Variants in PLD1 observed in about 807,000 individuals in gnomAD.
The protein encoded by PLD1 is phospholipase D1.
In PLD1, 112 loss-of-function variants were observed where a neutral mutation model predicts 137.1. The ratio of observed to expected loss-of-function variants is 0.82; its 90% confidence interval spans 0.70 to 0.96. The LOEUF is 0.96. Ranked by LOEUF, PLD1 falls within the 40% of genes least tolerant of loss-of-function variation. The pLI, the probability that PLD1 is intolerant of heterozygous loss-of-function variation, is 0.00. For synonymous variants in PLD1, 431 were observed against 454.7 expected (o/e 0.95, Z 0.66); for missense variants, 1,321 against 1,342.0 (o/e 0.98, Z 0.24).
At chr3:171,700,315 AAC>A (rs573424146) in intron 11 of PLD1, among the ~76,000 whole-genome samples, 14 of 126,798 alleles carry the variant, frequency 1.1e-4, no homozygotes, top group East Asian at 4.8e-4. Context: ...CACACACACA[AAC>A]ACACACACAC....
At chr3:171,802,632 CA>C (rs1723692994) in intron 1 of PLD1, among the ~76,000 whole-genome samples, 2 of 152,142 alleles carry the variant, frequency 1.3e-5, no homozygotes, top group Admixed American at 1.3e-4. Context: ...ACAAGTTGAT[CA>C]AGGTTACACA....
At chr3:171,628,782 G>A (rs562851522) in intron 23 of PLD1, among the ~76,000 whole-genome samples, 41 of 152,274 alleles carry the variant, frequency 2.7e-4, no homozygotes, top group Admixed American at 2.2e-3. Context: ...CTCAATAGAT[G>A]CAGAAAAGGC....
chr3:171,614,761 T>C (rs900482775), intron 24 of PLD1, among the ~76,000 whole-genome samples: 2 of 152,236 alleles, frequency 1.3e-5, no homozygotes, highest in African/African-American at 4.8e-5. Context: ...TGGATTGAAC[T>C]GACATCACTG....
At chr3:171,700,399 C>A (rs1716147456) in intron 11 of PLD1, among the ~76,000 whole-genome samples, 1 of 152,046 alleles carries the variant, frequency 6.6e-6, no homozygotes, top group African/African-American at 2.4e-5. Context: ...TTTGCTCTCT[C>A]TCCCTCTCTC....
intron 19 of PLD1, 147 bp downstream of exon 19, chr3:171,674,353 A>C: frequency 2.2e-6 from 1 of 454,850 alleles, no homozygotes; most frequent in Non-Finnish European, 4.0e-6. Context: ...TAGGAAATAT[A>C]ATAACAAGTA....
In PLD1 at chr3:171,642,839, C is replaced by A; in HGVS notation, c.2593+1G>T. On this transcript the variant is annotated splice_donor_variant, in intron 23 of 26. Transcript: ENST00000351298. LOFTEE classifies it high-confidence loss of function. ...ATATGAGAAAAAAAGCAGTTACTTA[C>A]GCTCTGCTTTTAACTGTCCAAGGAT... 6.4e-7 allele frequency: 1 copy of A among 1,553,478 alleles called. No homozygotes were observed. The highest frequency in any genetic ancestry group is 8.8e-7 in the Non-Finnish European group (1 of 1,135,454).
At chr3:171,629,014 C>T (rs1237198830) in intron 23 of PLD1, among the ~76,000 whole-genome samples, 1 of 146,534 alleles carries the variant, frequency 6.8e-6, no homozygotes, top group African/African-American at 2.5e-5. Context: ...CTGGCCAGGG[C>T]AATTAGGCAG....
intron 1 of PLD1, among the ~76,000 whole-genome samples, chr3:171,785,949 T>C (rs1722997854): frequency 6.6e-6 from 1 of 152,198 alleles, no homozygotes; most frequent in Non-Finnish European, 1.5e-5. Flanking sequence ...AAAACCAAAG[T>C]GTTAAAGCAC....
chr3:171,683,465 C>A (rs2108500024), intron 16 of PLD1, among the ~76,000 whole-genome samples: 1 of 152,254 alleles, frequency 6.6e-6, no homozygotes, highest in Middle Eastern at 3.4e-3. Flanking sequence ...CAGCCGTATT[C>A]CTGGAACACA....
chr3:171,738,248 A>G (rs567927817), intron 1 of PLD1, among the ~76,000 whole-genome samples, 166 bp from the exon 2 acceptor site: 2 of 152,218 alleles, frequency 1.3e-5, no homozygotes, highest in South Asian at 4.1e-4. Flanking sequence ...CCTGTTTAAC[A>G]TTTAAAGGAT....
intron 18 of PLD1, among the ~76,000 whole-genome samples, chr3:171,674,848 G>A (rs1039210974): frequency 1.8e-4 from 28 of 151,602 alleles, no homozygotes; most frequent in Middle Eastern, 3.4e-3. Flanking sequence ...GCATGGTGGC[G>A]GGCGCCTGTA....
chr3:171,677,903 C>G (rs1713555433), intron 16 of PLD1: 6 of 424,892 alleles, frequency 1.4e-5, no homozygotes, highest in Non-Finnish European at 2.5e-5. Context: ...AGGGCTACAA[C>G]AAGATTCATC....
At chr3:171,611,013 A>G (rs2108267135) in intron 25 of PLD1, among the ~76,000 whole-genome samples, 1 of 152,320 alleles carries the variant, frequency 6.6e-6, no homozygotes, top group South Asian at 2.1e-4. Context: ...CCGGGAGTTA[A>G]GTGCTCACTA....
At chr3:171,732,170 C>T (rs571927737) in intron 6 of PLD1, among the ~76,000 whole-genome samples, 7 of 152,290 alleles carry the variant, frequency 4.6e-5, no homozygotes, top group African/African-American at 1.7e-4. Context: ...TCAGACAACA[C>T]AACAGGAGGT....
intron 1 of PLD1, among the ~76,000 whole-genome samples, chr3:171,775,509 G>A (rs188965446): frequency 2.6e-5 from 4 of 152,198 alleles, no homozygotes; most frequent in Admixed American, 1.3e-4. Flanking sequence ...ATGTCAAAGA[G>A]GTCCCCATGG....
At chr3:171,745,880 A>G (rs550546498) in intron 1 of PLD1, among the ~76,000 whole-genome samples, 1 of 151,422 alleles carries the variant, frequency 6.6e-6, no homozygotes, top group Admixed American at 6.6e-5. Context: ...GCTTGCAGGG[A>G]GGTGTGGAGG....
intron 12 of PLD1, among the ~76,000 whole-genome samples, chr3:171,697,084 G>T (rs1715769495): frequency 6.6e-6 from 1 of 152,090 alleles, no homozygotes; most frequent in African/African-American, 2.4e-5. Flanking sequence ...AGGCCTGCAG[G>T]ATCTTCCTCC....
intron 1 of PLD1, among the ~76,000 whole-genome samples, chr3:171,805,049 A>T (rs1723792772): frequency 6.6e-6 from 1 of 152,158 alleles, no homozygotes; most frequent in South Asian, 2.1e-4. Context: ...TTAAATTCTG[A>T]ACCCTTATTT....
At chr3:171,789,178 G>A (rs1482051400) in intron 1 of PLD1, 1 of 152,294 alleles carries the variant, frequency 6.6e-6, no homozygotes, top group African/African-American at 2.4e-5. Context: ...TCTACAGGCA[G>A]ACAAGGGAGG....
Sources: gnomAD v4.1 joint callset for allele counts (sites outside exome capture counted in the v4.1 genomes callset) on GRCh38, gnomAD v4.1.1 for gene constraint, MANE v1.5 for transcripts, NCBI Gene and HGNC (gene_info 2026-07-23, HGNC 2026-07-21) for gene names.